Variants in PHF14 observed in about 807,000 individuals in gnomAD.
PHF14 encodes PHD finger protein 14.
Under a neutral mutation model 117.9 loss-of-function variants are expected in PHF14, and 55 were observed. The ratio of observed to expected loss-of-function variants is 0.47; its 90% confidence interval spans 0.38 to 0.58. PHF14 has a LOEUF of 0.58. PHF14 is among the 20% of genes least tolerant of loss of function. The probability of loss-of-function intolerance (pLI) is 0.00; values close to 1 mark genes in which losing one functional copy is unlikely to be tolerated. For synonymous variants in PHF14, 409 were observed against 368.6 expected (o/e 1.11, Z -1.26); for missense variants, 978 against 1,122.2 (o/e 0.87, Z 1.84).
chr7:11,039,648 G>A (rs1281492332), intron 11 of PHF14, among the ~76,000 whole-genome samples: 1 of 152,154 alleles, frequency 6.6e-6, no homozygotes, highest in Admixed American at 6.5e-5. Flanking sequence ...ACTTGTTTTA[G>A]AGGTTTATGG....
chr7:11,082,165 G>C (rs532218699), intron 16 of PHF14, among the ~76,000 whole-genome samples: 1 of 151,788 alleles, frequency 6.6e-6, no homozygotes, highest in Non-Finnish European at 1.5e-5. Context: ...GCAATGTATC[G>C]AGACCTTGTC....
At chr7:11,047,044 A>C (rs922318793) in intron 13 of PHF14, among the ~76,000 whole-genome samples, 8 of 152,186 alleles carry the variant, frequency 5.3e-5, no homozygotes, top group African/African-American at 1.4e-4. Context: ...TACACGAATA[A>C]AATTCTCTAA....
chr7:11,159,553 G>A (rs7798427), intron 17 of PHF14, among the ~76,000 whole-genome samples: 76,858 of 151,774 alleles, frequency 0.51, 20,841 homozygotes, highest in East Asian at 0.82. Context: ...GCCAATCATA[G>A]TAAAGATGAT....
At chr7:10,987,624 A>G (rs1481165360) in intron 3 of PHF14, among the ~76,000 whole-genome samples, 1 of 152,140 alleles carries the variant, frequency 6.6e-6, no homozygotes, top group Non-Finnish European at 1.5e-5. Flanking sequence ...CCATCATAAT[A>G]AAGTTATTTT....
intron 16 of PHF14, among the ~76,000 whole-genome samples, chr7:11,099,205 C>G (rs559047225): frequency 6.6e-6 from 1 of 152,248 alleles, no homozygotes; most frequent in Non-Finnish European, 1.5e-5. Context: ...TTGTTAGACA[C>G]ATGGAATGGC....
chr7:11,041,199 T>G (rs1384639881), intron 12 of PHF14, among the ~76,000 whole-genome samples: 1 of 152,018 alleles, frequency 6.6e-6, no homozygotes, highest in Non-Finnish European at 1.5e-5. Flanking sequence ...AAGATAAGTT[T>G]TAGTTTTGAG....
chr7:10,981,353 C>T lies in PHF14; in HGVS notation c.113-1019C>T, dbSNP rs537729516. Among the ~76,000 whole-genome samples, 8 of 152,074 alleles carry T rather than the reference C, an allele frequency of 5.3e-5. No individual in the cohort carries two copies. The South Asian group carries it at 1.7e-3, about 32-fold the overall frequency. On this transcript the variant is annotated intron_variant, in intron 2 of 17. Coordinates refer to ENST00000634607, the MANE Select transcript of PHF14 (RefSeq NM_001007157.2). ...TTCCCCATCTCCTACTGCTCCCTGTCCTCTTTCCCTCCTCCCATTTATTTC... is the reference window on the plus strand; with the variant it reads ...TTCCCCATCTCCTACTGCTCCCTGTTCTCTTTCCCTCCTCCCATTTATTTC...
In PHF14 at chr7:10,982,410, A is replaced by G. The variant is rs772937051; in HGVS notation, c.151A>G (p.Lys51Glu). 1.9e-6 allele frequency: 3 copies of G among 1,576,358 alleles called. No individual in the cohort carries two copies. The highest frequency in any genetic ancestry group is 2.6e-6 in the Non-Finnish European group (3 of 1,168,548). Reference sequence around the variant, plus strand: ...TGGTAATGGAAGTGAAGATGCTTCAAAGGACAGTGGAGAAGGTTCCTGTAG... The same window carrying G: ...TGGTAATGGAAGTGAAGATGCTTCAGAGGACAGTGGAGAAGGTTCCTGTAG... ...GSGNGSEDAS[K>E]DSGEGSCSDS... The change falls in exon 3 of 18, where the codon AAG becomes GAG. Residue 51 changes from lysine (K) to glutamate (E), a missense_variant. Physicochemically the swap from Lys to Glu is moderately conservative, Grantham distance 56 (BLOSUM62 1). Coordinates refer to ENST00000634607, the MANE Select transcript of PHF14 (RefSeq NM_001007157.2).
intron 16 of PHF14, among the ~76,000 whole-genome samples, chr7:11,078,625 A>T (rs1785958433): frequency 6.6e-6 from 1 of 152,170 alleles, no homozygotes; most frequent in Non-Finnish European, 1.5e-5. Context: ...GGTGTAAGGA[A>T]TGTGAGTCAT....
chr7:11,040,930 A>G (rs1057434475), intron 12 of PHF14, among the ~76,000 whole-genome samples, 155 bp downstream of exon 12: 2 of 152,068 alleles, frequency 1.3e-5, no homozygotes, highest in African/African-American at 4.8e-5. Flanking sequence ...GATGCATTCC[A>G]GTTTGAATGA....
intron 6 of PHF14, among the ~76,000 whole-genome samples, chr7:11,028,159 C>G (rs193287979): frequency 6.6e-6 from 1 of 152,126 alleles, no homozygotes; most frequent in Non-Finnish European, 1.5e-5. Context: ...GGAACATTTA[C>G]ATTAGCCTAC....
At chr7:11,011,132 T>A (rs1346386012) in intron 4 of PHF14, among the ~76,000 whole-genome samples, 1 of 152,250 alleles carries the variant, frequency 6.6e-6, no homozygotes, top group African/African-American at 2.4e-5. Flanking sequence ...AGTGTTTTAA[T>A]GAAATACTTA....
chr7:10,974,415 C>T (rs779603953), intron 1 of PHF14, 91 bp downstream of exon 1: 31 of 1,103,742 alleles, frequency 2.8e-5, no homozygotes, highest in Non-Finnish European at 4.1e-5. Flanking sequence ...GTGGGAGAGT[C>T]CTGCGGGAAA....
rs71023888 is a variant in PHF14, at chr7:11,089,761, C to CT, written c.2655-21563dup. 9.9e-4 allele frequency among the ~76,000 whole-genome samples: 97 copies of CT among 97,876 alleles called. 3 individuals are homozygous for CT. The highest frequency in any genetic ancestry group is 2.9e-3 in the African/African-American group (74 of 25,666). 64.2% of individuals were successfully genotyped at this position (97,876 alleles called of 152,430 possible). On this transcript the variant is annotated intron_variant, in intron 16 of 17. Transcript: ENST00000634607. ...TTTAGTGTAGAATTGTTCATGCATT[C>CT]TTTTTTTTTTTTTTTTTTTTTTTTT...
chr7:11,158,474 G>C (rs1788928607), intron 17 of PHF14, among the ~76,000 whole-genome samples: 1 of 152,014 alleles, frequency 6.6e-6, no homozygotes, highest in Non-Finnish European at 1.5e-5. Flanking sequence ...TGTTAGCCTT[G>C]GTCCATCAGT....
At chr7:11,136,233 G>T (rs537409223) in intron 17 of PHF14, among the ~76,000 whole-genome samples, 1 of 152,072 alleles carries the variant, frequency 6.6e-6, no homozygotes, top group African/African-American at 2.4e-5. Flanking sequence ...ATTGTATGCC[G>T]TGGTGGGATG....
At chr7:11,063,366 A>G (rs1785305031) in intron 16 of PHF14, 5 of 983,960 alleles carry the variant, frequency 5.1e-6, no homozygotes, top group Non-Finnish European at 6.0e-6. Context: ...TATGTCGAAA[A>G]TGAAATCCCA....
At chr7:11,158,154 C>G (rs578243949) in intron 17 of PHF14, among the ~76,000 whole-genome samples, 2 of 152,056 alleles carry the variant, frequency 1.3e-5, no homozygotes, top group African/African-American at 2.4e-5. Context: ...CACTAGTGTT[C>G]TTTCTCTGGA....
chr7:11,104,542 T>C lies in PHF14; in HGVS notation c.2655-6808T>C, dbSNP rs911874349. 9 of 981,162 alleles carry C rather than the reference T, an allele frequency of 9.2e-6. No individual in the cohort carries two copies. In the African/African-American group the frequency reaches 1.4e-4, roughly 15 times the overall value. 60.8% of individuals were successfully genotyped at this position (981,162 alleles called of 1,614,324 possible). A position where few individuals can be genotyped will look rare whatever the true frequency, so the allele number is the denominator to read the frequency against. ...ACCTACATAAGAAAAAAATGGCACA[T>C]CAGGTAAATGATAGTTGTTTATCAC... is the stretch of plus-strand genomic sequence containing the variant. On this transcript the variant is annotated intron_variant, in intron 16 of 17. Coordinates refer to ENST00000634607, the MANE Select transcript of PHF14 (RefSeq NM_001007157.2).
Sources: allele counts gnomAD v4.1 joint callset (sites outside exome capture counted in the v4.1 genomes callset), GRCh38; gene constraint gnomAD v4.1.1; transcripts MANE v1.5; gene names NCBI Gene and HGNC (gene_info 2026-07-23, HGNC 2026-07-21).